ITGA9: variants seen among roughly 807,000 people sequenced by gnomAD.
ITGA9 encodes integrin alpha-9.
ITGA9 carries 56 observed loss-of-function variants against 127.8 expected under a neutral mutation model. That is an observed-to-expected ratio of 0.44 (90% CI 0.35 to 0.55). ITGA9 has a LOEUF of 0.55. ITGA9 is among the 20% of genes least tolerant of loss of function. The probability of loss-of-function intolerance (pLI) is 0.00; values close to 1 mark genes in which losing one functional copy is unlikely to be tolerated. For missense variants in ITGA9, 1,196 were observed against 1,347.1 expected, an observed-to-expected ratio of 0.89 and a Z score of 1.76; for synonymous variants, 508 against 514.5, an observed-to-expected ratio of 0.99 and a Z score of 0.17.
At chr3:37,502,667 C>T (rs1320283644) in intron 5 of ITGA9, among the ~76,000 whole-genome samples, 4 of 152,164 alleles carry the variant, frequency 2.6e-5, no homozygotes, top group South Asian at 2.1e-4. Flanking sequence ...TGTTCTAGAA[C>T]GTCCCTGAGA....
intron 15 of ITGA9, among the ~76,000 whole-genome samples, chr3:37,604,084 G>C (rs1404964644): frequency 6.6e-6 from 1 of 152,230 alleles, no homozygotes; most frequent in African/African-American, 2.4e-5. Flanking sequence ...TCAGATGCTG[G>C]TTCTGTTGTA....
chr3:37,498,270 C>T (rs1273750526), intron 5 of ITGA9, among the ~76,000 whole-genome samples: 1 of 152,166 alleles, frequency 6.6e-6, no homozygotes, highest in Non-Finnish European at 1.5e-5. Context: ...TCATGACTCT[C>T]TTAGGGGATG....
intron 1 of ITGA9, among the ~76,000 whole-genome samples, chr3:37,469,963 T>C (rs1008529073): frequency 6.6e-6 from 1 of 151,876 alleles, no homozygotes; most frequent in African/African-American, 2.4e-5. Context: ...GCCCAGCTAA[T>C]TTTTTGTATT....
At chr3:37,788,775 T>C (rs1406459621) in intron 26 of ITGA9, among the ~76,000 whole-genome samples, 1 of 152,180 alleles carries the variant, frequency 6.6e-6, no homozygotes, top group African/African-American at 2.4e-5. Flanking sequence ...AAACTGTATA[T>C]CATCACCACA....
intron 16 of ITGA9, among the ~76,000 whole-genome samples, chr3:37,636,206 T>C (rs1296061549): frequency 1.3e-5 from 2 of 152,210 alleles, no homozygotes; most frequent in Admixed American, 6.5e-5. Flanking sequence ...GGAATCGCCA[T>C]ATTGACTTCC....
At position 37,533,376 on chromosome 3, in the gene ITGA9, C is replaced by T. The variant is rs750293130; in HGVS notation, c.1436C>T (p.Ala479Val). The T allele has an allele frequency of 3.2e-5, 51 of 1,613,976 alleles. No individual in the cohort carries two copies. Among genetic ancestry groups the T allele is most frequent in the East Asian group, 2.7e-4 (12 of 44,896 alleles). ...IFLPGSINIT[A>V]PQCHDGQQPV... ...CTCCCGGGCTCCATCAACATCACAG[C>T]GCCTCAGTGTCACGACGGACAGCAG... Residue 479 changes from alanine (A) to valine (V), a missense_variant, in exon 14 of 28, where the codon GCG becomes GTG. Ala to Val is a moderately conservative substitution (Grantham distance 64). Coordinates refer to ENST00000264741, the MANE Select transcript of ITGA9 (RefSeq NM_002207.3).
intron 15 of ITGA9, among the ~76,000 whole-genome samples, chr3:37,548,195 C>T (rs1699345984): frequency 1.3e-5 from 2 of 152,080 alleles, no homozygotes; most frequent in African/African-American, 4.8e-5. Context: ...TAAATGAAGC[C>T]AGACACAAAA....
chr3:37,626,374 G>T lies in ITGA9; in HGVS notation c.1690-2813G>T, dbSNP rs193054946. The stretch of plus-strand genomic sequence containing the variant: ...TGTGATCTTGTCTATAAAACGGGGG[G>T]CAATGGCTGGTGCTGTGGCTCACAC... On this transcript the variant is annotated intron_variant, in intron 15 of 27. Transcript: ENST00000264741. Among the ~76,000 whole-genome samples the T allele has an allele frequency of 3.3e-5, 5 of 152,182 alleles. No homozygotes were observed. The East Asian group carries it at 9.6e-4, about 29-fold the overall frequency.
At chr3:37,539,132 A>G (rs1402605223) in intron 14 of ITGA9, among the ~76,000 whole-genome samples, 3 of 152,202 alleles carry the variant, frequency 2.0e-5, no homozygotes, top group Non-Finnish European at 2.9e-5. Flanking sequence ...CTGCAGTGAG[A>G]TGAAACTTTG....
chr3:37,664,690 C>T (rs921031308), intron 17 of ITGA9, among the ~76,000 whole-genome samples: 1 of 151,766 alleles, frequency 6.6e-6, no homozygotes, highest in Non-Finnish European at 1.5e-5. Flanking sequence ...GCATGAACCA[C>T]CGCGCCTGGC....
intron 1 of ITGA9, among the ~76,000 whole-genome samples, chr3:37,467,841 G>T (rs1698387676): frequency 6.6e-6 from 1 of 152,154 alleles, no homozygotes; most frequent in South Asian, 2.1e-4. Context: ...CAGCAGTTTA[G>T]ACAGGGCAAA....
intron 17 of ITGA9, among the ~76,000 whole-genome samples, chr3:37,664,274 C>T (rs1191847241): frequency 1.3e-5 from 2 of 152,132 alleles, no homozygotes; most frequent in Non-Finnish European, 2.9e-5. Flanking sequence ...AAAAAATCCA[C>T]CAGCAAAGAT....
chr3:37,505,032 T>C (rs761047432), intron 6 of ITGA9, among the ~76,000 whole-genome samples: 6 of 152,144 alleles, frequency 3.9e-5, no homozygotes, highest in Non-Finnish European at 8.8e-5. Context: ...TAGGTTCCTT[T>C]TGCATCCATA....
At chr3:37,508,742 C>A in intron 8 of ITGA9, 115 bp downstream of exon 8, 1 of 783,334 alleles carries the variant, frequency 1.3e-6, no homozygotes, top group Non-Finnish European at 2.3e-6. Flanking sequence ...GTTTATATGG[C>A]AGTGCTGTCT....
chr3:37,810,100 G>A (rs773183794), intron 27 of ITGA9, among the ~76,000 whole-genome samples: 11 of 152,192 alleles, frequency 7.2e-5, no homozygotes, highest in African/African-American at 7.2e-5. Context: ...TTACAGAACC[G>A]TGGCTCTTGA....
intron 1 of ITGA9, among the ~76,000 whole-genome samples, chr3:37,469,689 C>G (rs1358739537): frequency 6.6e-6 from 1 of 151,936 alleles, no homozygotes; most frequent in African/African-American, 2.4e-5. Flanking sequence ...TGTGAGTATG[C>G]TATTGTATCT....
chr3:37,667,101 C>T (rs1333043803), intron 17 of ITGA9, among the ~76,000 whole-genome samples: 1 of 152,138 alleles, frequency 6.6e-6, no homozygotes, highest in Non-Finnish European at 1.5e-5. Context: ...GAGGGGATGG[C>T]AGGGACATGG....
intron 16 of ITGA9, among the ~76,000 whole-genome samples, chr3:37,646,523 G>A (rs771710028): frequency 1.3e-5 from 2 of 152,234 alleles, no homozygotes; most frequent in Non-Finnish European, 2.9e-5. Flanking sequence ...TCTGAAGCCT[G>A]AGACAGGAAA....
Position 37,563,678 on chromosome 3 carries a change from A to G in ITGA9, c.1689+21093A>G, listed in dbSNP as rs142492380. Among the ~76,000 whole-genome samples, 1,259 of 152,358 alleles carry G rather than the reference A, an allele frequency of 8.3e-3. 8 individuals are homozygous for G. The highest frequency in any genetic ancestry group is 0.021 in the South Asian group (102 of 4,830). ...TTCCAGCCGTGGCTTTGCTGGGTCA[A>G]TGTTACAGCCATTTATGTCCCCTCA... is the stretch of plus-strand genomic sequence containing the variant. On this transcript the variant is annotated intron_variant, in intron 15 of 27. Coordinates refer to ENST00000264741, the MANE Select transcript of ITGA9 (RefSeq NM_002207.3).
Sources: gnomAD v4.1 joint callset for allele counts (sites outside exome capture counted in the v4.1 genomes callset) on GRCh38, gnomAD v4.1.1 for gene constraint, MANE v1.5 for transcripts, NCBI Gene and HGNC (gene_info 2026-07-23, HGNC 2026-07-21) for gene names.